KCNJ6: variants seen among roughly 807,000 people sequenced by gnomAD.
The protein encoded by KCNJ6 is G protein-activated inward rectifier potassium channel 2.
KCNJ6 carries 9 observed loss-of-function variants against 34.2 expected under a neutral mutation model. The ratio of observed to expected loss-of-function variants is 0.26; its 90% CI spans 0.16 to 0.46. The LOEUF (loss-of-function observed/expected upper bound fraction) is 0.46, where lower values mean the gene tolerates loss of function less well. Among genes scored for constraint, KCNJ6 ranks in the 20% least tolerant of loss-of-function variants. KCNJ6 has a pLI of 1.00. For missense variants in KCNJ6, 236 were observed against 531.3 expected (o/e 0.44, Z 5.46); for synonymous variants, 196 against 207.1 (o/e 0.95, Z 0.46).
At position 37,792,013 on chromosome 21, in the gene KCNJ6, T is replaced by TTTAAATTAAA. The variant is rs2055219138; in HGVS notation, c.25+48644_25+48645insTTTAATTTAA. Among the ~76,000 whole-genome samples the TTTAAATTAAA allele has an allele frequency of 2.6e-5, 4 of 152,364 alleles. No individual in the cohort carries two copies. In the South Asian group the frequency reaches 8.3e-4, roughly 32 times the overall value. On this transcript the variant is annotated intron_variant, in intron 2 of 3. Transcript: ENST00000609713. ...TCCTTCAAACGAATTGAGCAGGGTT[T>TTTAAATTAAA]TTAAATTGATATTGGAGAGATGTGA...
chr21:37,779,117 A>G (rs568279907), intron 2 of KCNJ6, among the ~76,000 whole-genome samples: 1 of 152,272 alleles, frequency 6.6e-6, no homozygotes, highest in Admixed American at 6.5e-5. Context: ...TAACTTTTAA[A>G]ACCATTGCAT....
At chr21:37,914,004 T>A (rs1217551310) in intron 1 of KCNJ6, among the ~76,000 whole-genome samples, 1 of 132,014 alleles carries the variant, frequency 7.6e-6, no homozygotes, top group Non-Finnish European at 1.6e-5. Flanking sequence ...CAGAGGCGGA[T>A]CGGGGTGTGT....
intron 2 of KCNJ6, among the ~76,000 whole-genome samples, chr21:37,756,937 A>AGTGTGAT (rs1388844149): frequency 3.4e-5 from 1 of 29,192 alleles, no homozygotes; most frequent in Non-Finnish European, 7.3e-5. Context: ...ACTCCCTCAC[A>AGTGTGAT]GATTCCAGCC....
At chr21:37,667,487 G>A (rs1382414652) in intron 3 of KCNJ6, among the ~76,000 whole-genome samples, 2 of 151,548 alleles carry the variant, frequency 1.3e-5, no homozygotes, top group African/African-American at 2.4e-5. Flanking sequence ...CCGGGGTAGC[G>A]GGAGCTGGGG....
chr21:37,652,354 T>C (rs988764097), intron 3 of KCNJ6, among the ~76,000 whole-genome samples: 2 of 152,186 alleles, frequency 1.3e-5, no homozygotes, highest in Non-Finnish European at 2.9e-5. Context: ...GTCAGAAACC[T>C]GTGGGAGCCT....
At chr21:37,692,550 G>A (rs538642102) in intron 3 of KCNJ6, among the ~76,000 whole-genome samples, 26 of 152,284 alleles carry the variant, frequency 1.7e-4, no homozygotes, top group East Asian at 7.7e-4. Context: ...AATAGGAACC[G>A]TGTCTTGATT....
intron 1 of KCNJ6, among the ~76,000 whole-genome samples, chr21:37,885,998 T>C (rs1428347538): frequency 6.6e-6 from 1 of 152,118 alleles, no homozygotes; most frequent in Admixed American, 6.5e-5. Context: ...CAAGGAGTCC[T>C]GGGAAGGCTG....
At chr21:37,813,519 G>T (rs1330220499) in intron 2 of KCNJ6, among the ~76,000 whole-genome samples, 1 of 152,130 alleles carries the variant, frequency 6.6e-6, no homozygotes, top group Non-Finnish European at 1.5e-5. Flanking sequence ...CAGAGCTACA[G>T]TAACAAAAAC....
intron 1 of KCNJ6, among the ~76,000 whole-genome samples, chr21:37,840,984 T>C (rs2055477674): frequency 6.6e-6 from 1 of 152,180 alleles, no homozygotes; most frequent in African/African-American, 2.4e-5. Context: ...GCACGACCAG[T>C]TTTCAAAACC....
intron 2 of KCNJ6, among the ~76,000 whole-genome samples, chr21:37,743,652 C>T (rs910163895): frequency 1.3e-5 from 2 of 152,076 alleles, no homozygotes; most frequent in Non-Finnish European, 2.9e-5. Context: ...GCAAGAAGGC[C>T]CTCTCCAGAT....
chr21:37,689,917 C>T (rs1239723564), intron 3 of KCNJ6, among the ~76,000 whole-genome samples: 1 of 152,016 alleles, frequency 6.6e-6, no homozygotes, highest in African/African-American at 2.4e-5. Context: ...CTCACATGGC[C>T]AAGACACCAA....
At chr21:37,782,925 C>G (rs935812553) in intron 2 of KCNJ6, among the ~76,000 whole-genome samples, 2 of 152,166 alleles carry the variant, frequency 1.3e-5, no homozygotes, top group African/African-American at 2.4e-5. Context: ...CCCATCTTGA[C>G]TCACCTCCCA....
intron 1 of KCNJ6, among the ~76,000 whole-genome samples, chr21:37,841,992 TCCC>T (rs1252668819): frequency 1.3e-5 from 2 of 152,176 alleles, no homozygotes; most frequent in African/African-American, 4.8e-5. Context: ...TGCTCAATTG[TCCC>T]CCACAAAGGT....
chr21:37,892,184 T>C (rs1249204600), intron 1 of KCNJ6, among the ~76,000 whole-genome samples: 4 of 152,078 alleles, frequency 2.6e-5, no homozygotes, highest in African/African-American at 9.7e-5. Context: ...GGTTTTAGAG[T>C]GAGGAGCTCT....
At chr21:37,912,443 T>G (rs1409739559) in intron 1 of KCNJ6, among the ~76,000 whole-genome samples, 1 of 152,224 alleles carries the variant, frequency 6.6e-6, no homozygotes, top group Non-Finnish European at 1.5e-5. Context: ...TTTTAATTTA[T>G]TAGAGAAATT....
intron 3 of KCNJ6, among the ~76,000 whole-genome samples, chr21:37,664,944 T>C (rs1469131768): frequency 2.6e-5 from 4 of 152,002 alleles, no homozygotes; most frequent in African/African-American, 9.6e-5. Flanking sequence ...TACAGGTGCC[T>C]GCCACCGCGC....
chr21:37,794,506 G>C (rs1354723046), intron 2 of KCNJ6, among the ~76,000 whole-genome samples: 1 of 152,192 alleles, frequency 6.6e-6, no homozygotes, highest in Non-Finnish European at 1.5e-5. Context: ...AATGTTAGCT[G>C]TTAGTTCTTT....
intron 3 of KCNJ6, among the ~76,000 whole-genome samples, chr21:37,701,429 A>G (rs1167149189): frequency 6.6e-6 from 1 of 152,078 alleles, no homozygotes; most frequent in African/African-American, 2.4e-5. Context: ...TAAGTGACTC[A>G]AGACTTCTTT....
chr21:37,693,446 C>T (rs534843212), intron 3 of KCNJ6, among the ~76,000 whole-genome samples: 1 of 152,112 alleles, frequency 6.6e-6, no homozygotes, highest in Admixed American at 6.5e-5. Flanking sequence ...GGAGGAGAAC[C>T]AGGAAATCAA....
Sources: allele counts gnomAD v4.1 joint callset (sites outside exome capture counted in the v4.1 genomes callset), GRCh38; gene constraint gnomAD v4.1.1; transcripts MANE v1.5; gene names NCBI Gene and HGNC (gene_info 2026-07-23, HGNC 2026-07-21).